The following SNAP91 variants were observed in gnomAD, a reference collection of about 807,000 sequenced individuals.
The protein encoded by SNAP91 is synaptosome associated protein 91, also known as clathrin coat assembly protein AP180.
SNAP91 carries 27 observed loss-of-function variants against 100.3 expected under a neutral mutation model. The ratio of observed to expected loss-of-function variants is 0.27; its 90% CI spans 0.20 to 0.37. The LOEUF (loss-of-function observed/expected upper bound fraction) is 0.37. Among genes scored for constraint, SNAP91 ranks in the 10% least tolerant of loss-of-function variants. The pLI, the probability that SNAP91 is intolerant of heterozygous loss-of-function variation, is 1.00. For missense variants in SNAP91, 986 were observed against 1,123.7 expected (o/e 0.88, Z 1.75); for synonymous variants, 404 against 398.6 (o/e 1.01, Z -0.16).
rs1296651643 is a variant in SNAP91 at position 83,580,557 on chromosome 6, G to A, written c.2192C>T (p.Pro731Leu). Residue 731 changes from proline (P) to leucine (L), a missense_variant, in exon 24 of 30, where the codon CCA (proline) becomes CTA (leucine). Around this residue, in one of 4 missense-constraint regions of SNAP91, gnomAD observed 575 missense variants for 579.9 expected, o/e 0.99. Coordinates refer to ENST00000369694, the MANE Select transcript of SNAP91 (RefSeq NM_001242792.2). ...TGAGACAGGTGCAGGCTGCCCAGCT[G>A]GTGCCATGGTTGGCATCAAAAGATC... Reference protein sequence around the residue: ...LGDLLMPTMAPAGQPAPVSMV... With the variant: ...LGDLLMPTMALAGQPAPVSMV... The A allele has an allele frequency of 6.2e-7, 1 of 1,613,360 alleles. No individual in the cohort carries two copies. Among genetic ancestry groups the A allele is most frequent in the Non-Finnish European group, 8.5e-7 (1 of 1,179,664 alleles).
At chr6:83,691,325 A>T (rs1211782919) in intron 2 of SNAP91, among the ~76,000 whole-genome samples, 1 of 152,150 alleles carries the variant, frequency 6.6e-6, no homozygotes, top group African/African-American at 2.4e-5. Flanking sequence ...AAACATCTTC[A>T]ATCCAAACAA....
chr6:83,594,740 G>C (rs1257331241), intron 16 of SNAP91, among the ~76,000 whole-genome samples: 1 of 151,974 alleles, frequency 6.6e-6, no homozygotes, highest in Non-Finnish European at 1.5e-5. Flanking sequence ...GATTCTCATT[G>C]TATAAGGGCT....
At position 83,553,007 on chromosome 6, in the gene SNAP91, G is replaced by C. The variant is rs899723290; in HGVS notation, c.*1289C>G. 2 of 152,544 alleles carry C rather than the reference G, an allele frequency of 1.3e-5. No homozygotes were observed. The highest frequency in any genetic ancestry group is 2.4e-5 in the African/African-American group (1 of 41,454). The allele number at this position is 152,544 out of a possible 1,614,324, so 9.4% of individuals were successfully genotyped here. The stretch of plus-strand genomic sequence containing the variant: ...TTTTAGGTAATTTTTCCCCATTACA[G>C]TGTATGTTATCCCCACAGTAAATTC... On this transcript the variant is annotated 3_prime_UTR_variant, in exon 30 of 30. Coordinates refer to ENST00000369694, the MANE Select transcript of SNAP91 (RefSeq NM_001242792.2).
chr6:83,701,754 C>A (rs1410327382), intron 2 of SNAP91, among the ~76,000 whole-genome samples: 1 of 152,148 alleles, frequency 6.6e-6, no homozygotes, highest in Non-Finnish European at 1.5e-5. Context: ...GGTGAAAATT[C>A]TTGAGAAAAT....
At chr6:83,561,041 GTATT>G (rs996203856) in intron 26 of SNAP91, 94 bp from the exon 27 acceptor site, 12 of 836,268 alleles carry the variant, frequency 1.4e-5, no homozygotes, top group Admixed American at 3.3e-5. Flanking sequence ...ATATAATTTG[GTATT>G]TATTTATTTA....
Position 83,580,510 on chromosome 6 carries a change from T to C in SNAP91, c.2239A>G (p.Met747Val), listed in dbSNP as rs774580296. The change falls in exon 24 of 30, where the codon ATG becomes GTG. Residue 747 changes from methionine (M) to valine (V), a missense_variant. Coordinates refer to ENST00000369694, the MANE Select transcript of SNAP91 (RefSeq NM_001242792.2). The stretch of plus-strand genomic sequence containing the variant: ...CTTCCAAGGGCTTTGCTGGCTGCCA[T>C]TGCAGGACTGGGTGGTACCATTGAG... ...PVSMVPPSPAMAASKALGSDL... is the reference protein window; with the variant it reads ...PVSMVPPSPAVAASKALGSDL... The C allele has an allele frequency of 5.0e-6, 8 of 1,613,506 alleles. No homozygotes were observed. In the African/African-American group the frequency reaches 6.7e-5, roughly 13 times the overall value.
intron 2 of SNAP91, among the ~76,000 whole-genome samples, chr6:83,675,600 C>T (rs189611411): frequency 1.6e-4 from 25 of 152,116 alleles, no homozygotes; most frequent in Admixed American, 7.9e-4. Context: ...AATTAGGAAA[C>T]GCAGCATATA....
In SNAP91 at chr6:83,665,588, A is replaced by C; in HGVS notation, c.131-7T>G. On this transcript the variant is annotated splice_region_variant and splice_polypyrimidine_tract_variant and intron_variant, in intron 2 of 29. Transcript: ENST00000369694. ...TTGGTAGCCTGGATCAAATCTATGA[A>C]AATAGAAGATATTAATCAATGATAT... is the stretch of plus-strand genomic sequence containing the variant. 6.2e-7 allele frequency: 1 copy of C among 1,604,728 alleles called. No individual in the cohort carries two copies. The highest frequency in any genetic ancestry group is 1.1e-5 in the South Asian group (1 of 90,278).
At chr6:83,670,575 C>T (rs964789520) in intron 2 of SNAP91, among the ~76,000 whole-genome samples, 1 of 151,740 alleles carries the variant, frequency 6.6e-6, no homozygotes, top group Non-Finnish European at 1.5e-5. Context: ...TTTAAGAAAT[C>T]TTTGCTTAAT....
At chr6:83,665,675 T>C (rs975804500) in intron 2 of SNAP91, 94 bp from the exon 3 acceptor site, 35 of 1,121,976 alleles carry the variant, frequency 3.1e-5, no homozygotes, top group South Asian at 7.9e-5. Context: ...TACTAATATA[T>C]GACCTTAAAA....
chr6:83,628,300 T>G (rs2097054034), intron 8 of SNAP91, among the ~76,000 whole-genome samples: 1 of 150,360 alleles, frequency 6.7e-6, no homozygotes, highest in East Asian at 2.0e-4. Flanking sequence ...GGTTCCACGA[T>G]TTTGCAATTG....
chr6:83,583,217 C>T (rs1289194338), intron 22 of SNAP91, among the ~76,000 whole-genome samples: 1 of 152,078 alleles, frequency 6.6e-6, no homozygotes, highest in Non-Finnish European at 1.5e-5. Context: ...CATATACATG[C>T]CGAGTATCCT....
chr6:83,680,196 T>C (rs749368895), intron 2 of SNAP91, among the ~76,000 whole-genome samples: 6 of 152,118 alleles, frequency 3.9e-5, no homozygotes, highest in African/African-American at 7.2e-5. Context: ...CCCCCATTCA[T>C]ACCTATACCA....
chr6:83,580,418 T>TA (rs1562193520), intron 24 of SNAP91, 32 bp downstream of exon 24: 14 of 1,447,132 alleles, frequency 9.7e-6, no homozygotes, highest in African/African-American at 1.5e-5. Flanking sequence ...ATGCTTCAGT[T>TA]AAAGAAAAAA....
chr6:83,678,158 C>T (rs912855633), intron 2 of SNAP91, among the ~76,000 whole-genome samples: 5 of 151,904 alleles, frequency 3.3e-5, no homozygotes, highest in Admixed American at 2.6e-4. Flanking sequence ...TTTTCTTTTT[C>T]AAAGAATCTT....
chr6:83,616,871 A>G (rs2096514857), intron 10 of SNAP91, 98 bp downstream of exon 10: 2 of 809,074 alleles, frequency 2.5e-6, no homozygotes, highest in East Asian at 2.8e-5. Flanking sequence ...GCATACCCTA[A>G]AACTAGAGCA....
At chr6:83,668,298 A>C (rs1312573630) in intron 2 of SNAP91, among the ~76,000 whole-genome samples, 1 of 152,186 alleles carries the variant, frequency 6.6e-6, no homozygotes, top group East Asian at 1.9e-4. Flanking sequence ...TGGAACCAGA[A>C]ATACCATTTG....
chr6:83,626,105 A>C (rs941286709), intron 8 of SNAP91, among the ~76,000 whole-genome samples: 5 of 152,030 alleles, frequency 3.3e-5, no homozygotes, highest in Admixed American at 2.6e-4. Context: ...ACCATTTTTG[A>C]ATAAGGAGTC....
intron 9 of SNAP91, among the ~76,000 whole-genome samples, chr6:83,618,293 T>A (rs1005886516): frequency 3.3e-5 from 5 of 151,760 alleles, no homozygotes; most frequent in Non-Finnish European, 7.4e-5. Flanking sequence ...TGAACCAAAA[T>A]ATTAATTTGA....
Sources: allele counts gnomAD v4.1 joint callset (sites outside exome capture counted in the v4.1 genomes callset), GRCh38; gene constraint gnomAD v4.1.1; regional missense constraint gnomAD v4.1.1; transcripts MANE v1.5; gene names NCBI Gene and HGNC (gene_info 2026-07-23, HGNC 2026-07-21).